The following NRG1 variants were observed in gnomAD, a reference collection of about 807,000 sequenced individuals.
NRG1 encodes the protein pro-neuregulin-1, membrane-bound isoform.
A neutral mutation model predicts 63.8 loss-of-function variants in NRG1; 18 were observed. The observed-to-expected ratio is 0.28, with a 90% CI of 0.19 to 0.42. NRG1 has a LOEUF of 0.42. Ranked by LOEUF, NRG1 falls within the 10% of genes least tolerant of loss-of-function variation. The pLI is 1.00. For missense variants in NRG1, 762 were observed against 814.7 expected, an observed-to-expected ratio of 0.94 and a Z score of 0.79; for synonymous variants, 302 against 301.3, an observed-to-expected ratio of 1.00 and a Z score of -0.02.
chr8:32,543,630 C>A (rs977764573), upstream of NRG1, among the ~76,000 whole-genome samples: 1 of 151,994 alleles, frequency 6.6e-6, no homozygotes. Flanking sequence ...ACAATCCTGA[C>A]AGTAATCTTA....
intron 1 of NRG1, among the ~76,000 whole-genome samples, chr8:32,153,106 A>C (rs1247617787): frequency 6.6e-6 from 1 of 152,174 alleles, no homozygotes; most frequent in African/African-American, 2.4e-5. Context: ...ATTCAGCAGA[A>C]TCTACAGTGG....
At chr8:32,212,467 G>A (rs913215774) in intron 1 of NRG1, among the ~76,000 whole-genome samples, 1 of 151,998 alleles carries the variant, frequency 6.6e-6, no homozygotes, top group Non-Finnish European at 1.5e-5. Context: ...CTAGAATGAT[G>A]GGAAAATTAA....
intron 1 of NRG1, among the ~76,000 whole-genome samples, chr8:32,342,164 C>T (rs980396215): frequency 1.3e-4 from 20 of 152,076 alleles, no homozygotes; most frequent in Non-Finnish European, 2.8e-4. Context: ...AGTTAACTAT[C>T]CAGAAACATG....
intron 1 of NRG1, among the ~76,000 whole-genome samples, chr8:32,407,293 A>T (rs867278721): frequency 1.8e-4 from 15 of 84,564 alleles, no homozygotes; most frequent in African/African-American, 7.2e-4. Flanking sequence ...ATATATATAT[A>T]TTATATATAT....
At chr8:32,761,307 T>G (rs1830633014) in intron 11 of NRG1, among the ~76,000 whole-genome samples, 1 of 152,204 alleles carries the variant, frequency 6.6e-6, no homozygotes, top group Admixed American at 6.5e-5. Context: ...CAGGCTAATC[T>G]TTGACCATTT....
chr8:32,258,179 G>T (rs923157337), intron 1 of NRG1, among the ~76,000 whole-genome samples: 6 of 152,176 alleles, frequency 3.9e-5, no homozygotes, highest in Non-Finnish European at 8.8e-5. Context: ...GCTTCCTTAT[G>T]CATTTACGTG....
At chr8:31,783,261 A>T (rs1391743269) in intron 1 of NRG1, among the ~76,000 whole-genome samples, 1 of 152,224 alleles carries the variant, frequency 6.6e-6, no homozygotes, top group Non-Finnish European at 1.5e-5. Flanking sequence ...TCGTAAAAGT[A>T]GTGACAAAAC....
chr8:32,186,524 A>G (rs980322446), intron 1 of NRG1, among the ~76,000 whole-genome samples: 1 of 152,074 alleles, frequency 6.6e-6, no homozygotes, highest in Admixed American at 6.5e-5. Flanking sequence ...AATGATTCGC[A>G]TTGTAGGGTC....
intron 1 of NRG1, among the ~76,000 whole-genome samples, chr8:31,919,742 A>G (rs1833741849): frequency 6.6e-6 from 1 of 152,122 alleles, no homozygotes; most frequent in African/African-American, 2.4e-5. Flanking sequence ...AGGAAGGTGA[A>G]TAAGATGATT....
chr8:32,494,144 A>G (rs1826924040), intron 1 of NRG1, among the ~76,000 whole-genome samples: 1 of 152,212 alleles, frequency 6.6e-6, no homozygotes, highest in African/African-American at 2.4e-5. Flanking sequence ...TCAAAGATGA[A>G]CAGAAGTGTT....
At chr8:32,769,505 TTGA>T (rs571085638), downstream of NRG1, among the ~76,000 whole-genome samples, 212 of 152,320 alleles carry the variant, frequency 1.4e-3, no homozygotes, top group South Asian at 5.2e-3. Flanking sequence ...ATAAAAGGAC[TTGA>T]TGTTCACAAT....
At chr8:32,536,922 CAA>C (rs35265022) in intron 1 of NRG1, among the ~76,000 whole-genome samples, 89 of 35,910 alleles carry the variant, frequency 2.5e-3, no homozygotes, top group South Asian at 8.2e-3. Context: ...GACTCCGTCT[CAA>C]AAAAAAAAAA....
At chr8:32,727,987 A>G in exon 6 of NRG1, 1 of 1,614,096 alleles carries the variant, frequency 6.2e-7, no homozygotes, top group Non-Finnish European at 8.5e-7. Context: ...CCATCTTGTA[A>G]AATGTGCGGA....
intron 1 of NRG1, among the ~76,000 whole-genome samples, chr8:31,866,256 A>G (rs1233932520): frequency 6.6e-6 from 1 of 152,184 alleles, no homozygotes; most frequent in Non-Finnish European, 1.5e-5. Context: ...CATCTGTGAC[A>G]GGCAGTTGAG....
chr8:32,312,890 A>C (rs1856983997), intron 1 of NRG1, among the ~76,000 whole-genome samples: 1 of 151,962 alleles, frequency 6.6e-6, no homozygotes, highest in East Asian at 1.9e-4. Context: ...ATAGTGGCTC[A>C]CACCTGTAAT....
In NRG1 at chr8:32,442,284, T is replaced by C. The variant is rs1024133335; in HGVS notation, c.38-153544T>C. Among the ~76,000 whole-genome samples, 32 of 152,198 alleles carry C rather than the reference T, an allele frequency of 2.1e-4. 2 individuals are homozygous for C. The highest frequency in any genetic ancestry group is 1.5e-5 in the Non-Finnish European group (1 of 68,032). Reference sequence around the variant, plus strand: ...TTAGATTCAAAGACTGTCTTCCTTCTGCAGGTTTACCTGAGCCTGGACTCA... The same window carrying C: ...TTAGATTCAAAGACTGTCTTCCTTCCGCAGGTTTACCTGAGCCTGGACTCA... On this transcript the variant is annotated intron_variant, in intron 1 of 10. Coordinates refer to the NRG1 transcript ENST00000519301.
At chr8:31,873,053 C>T (rs906708244) in intron 1 of NRG1, among the ~76,000 whole-genome samples, 3 of 152,144 alleles carry the variant, frequency 2.0e-5, no homozygotes, top group Non-Finnish European at 4.4e-5. Context: ...ACTCATGTTT[C>T]ACATACTTCT....
chr8:31,927,680 C>A (rs1834492561), intron 1 of NRG1, among the ~76,000 whole-genome samples: 3 of 148,886 alleles, frequency 2.0e-5, no homozygotes, highest in Admixed American at 2.0e-4. Context: ...GATCTCCTGA[C>A]CTCGTGATCC....
intron 1 of NRG1, among the ~76,000 whole-genome samples, chr8:31,742,111 A>C (rs1815337734): frequency 6.6e-6 from 1 of 152,038 alleles, no homozygotes; most frequent in South Asian, 2.1e-4. Context: ...GACCATAGAA[A>C]TTATTCCATT....
Sources: gnomAD v4.1 joint callset for allele counts (sites outside exome capture counted in the v4.1 genomes callset) on GRCh38, gnomAD v4.1.1 for gene constraint, MANE v1.5 for transcripts, NCBI Gene and HGNC (gene_info 2026-07-23, HGNC 2026-07-21) for gene names.